The following PTPRD variants were observed in gnomAD, a reference collection of about 807,000 sequenced individuals.
PTPRD encodes protein tyrosine phosphatase receptor type D, also known as receptor-type tyrosine-protein phosphatase delta.
PTPRD carries 34 observed loss-of-function variants against 214.5 expected under a neutral mutation model. The ratio of observed to expected loss-of-function variants is 0.16; its 90% confidence interval spans 0.12 to 0.21. The LOEUF (loss-of-function observed/expected upper bound fraction) is 0.21. Ranked by LOEUF, PTPRD falls within the 10% of genes least tolerant of loss-of-function variation. The pLI, the probability that PTPRD is intolerant of heterozygous loss-of-function variation, is 1.00. For missense variants in PTPRD, 2,545 were observed against 2,398.7 expected, an observed-to-expected ratio of 1.06 and a Z score of -1.27; for synonymous variants, 1,128 against 845.7, an observed-to-expected ratio of 1.33 and a Z score of -5.79.
intron 2 of PTPRD, among the ~76,000 whole-genome samples, chr9:10,521,076 C>T (rs572917875): frequency 3.3e-5 from 5 of 151,944 alleles, no homozygotes; most frequent in African/African-American, 1.2e-4. Flanking sequence ...GATAGTGATT[C>T]TTCTGATAGA....
Position 8,914,927 on chromosome 9 carries a change from G to T in PTPRD, c.-104+103770C>A, listed in dbSNP as rs114456296. ...CCTGGCAGACTACTTCTACCATCCT[G>T]TCCTTAGTATACCAGATATGTGATG... On this transcript the variant is annotated intron_variant, in intron 11 of 45. Transcript: ENST00000381196. Among the ~76,000 whole-genome samples, 224 of 152,134 alleles carry T rather than the reference G, an allele frequency of 1.5e-3. 1 individual carries two copies. The highest frequency in any genetic ancestry group is 5.1e-3 in the African/African-American group (211 of 41,496).
chr9:9,459,911 A>G (rs2093471578), intron 8 of PTPRD, among the ~76,000 whole-genome samples: 1 of 152,140 alleles, frequency 6.6e-6, no homozygotes, highest in Admixed American at 6.5e-5. Context: ...AAAACAACAA[A>G]GACAGAGGCA....
At chr9:8,573,334 T>A (rs2091633434) in intron 14 of PTPRD, among the ~76,000 whole-genome samples, 1 of 152,056 alleles carries the variant, frequency 6.6e-6, no homozygotes, top group Admixed American at 6.6e-5. Flanking sequence ...AATATATTTA[T>A]TCCTGAAATG....
intron 3 of PTPRD, among the ~76,000 whole-genome samples, chr9:10,087,898 T>C (rs2098374649): frequency 6.6e-6 from 1 of 151,772 alleles, no homozygotes; most frequent in South Asian, 2.1e-4. Context: ...ACTTCTCATG[T>C]AAGCATAATC....
rs2308277 is a variant in PTPRD, at chr9:9,077,378, A to AAAATGTTTCACAGATC, written c.-142-58644_-142-58643insGATCTGTGAAACATTT. Among the ~76,000 whole-genome samples the AAAATGTTTCACAGATC allele has an allele frequency of 3.8e-4, 58 of 151,730 alleles. No individual in the cohort carries two copies. The East Asian group carries it at 8.6e-3, about 22-fold the overall frequency. On this transcript the variant is annotated intron_variant, in intron 10 of 45. Coordinates refer to ENST00000381196, the MANE Select transcript of PTPRD (RefSeq NM_002839.4). ...GAATGGGGATGAATTCAGGTGACTGAAAATGTTATTATCTTGAATAAGCTT... is the reference window on the plus strand; with the variant it reads ...GAATGGGGATGAATTCAGGTGACTGAAAATGTTTCACAGATCAAATGTTATTATCTTGAATAAGCTT...
chr9:9,182,681 G>A (rs2099928908), intron 10 of PTPRD, among the ~76,000 whole-genome samples: 1 of 151,944 alleles, frequency 6.6e-6, no homozygotes, highest in South Asian at 2.1e-4. Context: ...TAGATGAAAT[G>A]TTTATATTAG....
At position 10,285,838 on chromosome 9, in the gene PTPRD, T is replaced by A. The variant is rs2095332208; in HGVS notation, c.-545+55125A>T. Among the ~76,000 whole-genome samples, 2 of 151,988 alleles carry A rather than the reference T, an allele frequency of 1.3e-5. 1 individual carries two copies. Among genetic ancestry groups the A allele is most frequent in the South Asian group, 4.1e-4 (2 of 4,826 alleles). On this transcript the variant is annotated intron_variant, in intron 3 of 45. Coordinates refer to ENST00000381196, the MANE Select transcript of PTPRD (RefSeq NM_002839.4). ...GTTAGCCAGGATGGTTTCGATCTCC[T>A]GACCTCGCGATCCGCCCGCCTCGGC...
chr9:8,349,138 T>C (rs149494545), intron 39 of PTPRD, among the ~76,000 whole-genome samples: 71 of 152,296 alleles, frequency 4.7e-4, no homozygotes, highest in African/African-American at 1.5e-3. Context: ...GCCCCCAGCA[T>C]GGGAAAATTC....
intron 12 of PTPRD, among the ~76,000 whole-genome samples, chr9:8,716,308 T>A (rs191006966): frequency 3.3e-4 from 51 of 152,296 alleles, no homozygotes; most frequent in Admixed American, 2.5e-3. Context: ...AAATTCACAT[T>A]CACTAGAAGT....
At chr9:10,491,688 A>C (rs2040299777) in intron 2 of PTPRD, among the ~76,000 whole-genome samples, 1 of 151,976 alleles carries the variant, frequency 6.6e-6, no homozygotes, top group Non-Finnish European at 1.5e-5. Flanking sequence ...TTCTAAGACG[A>C]TATGCCACAA....
intron 5 of PTPRD, among the ~76,000 whole-genome samples, chr9:9,848,671 G>A (rs927775177): frequency 3.3e-5 from 5 of 151,968 alleles, no homozygotes; most frequent in Non-Finnish European, 5.9e-5. Context: ...AAGAGATTTA[G>A]AAGAAAATAT....
At chr9:8,876,281 A>G (rs1443877082) in intron 11 of PTPRD, among the ~76,000 whole-genome samples, 1 of 152,152 alleles carries the variant, frequency 6.6e-6, no homozygotes, top group Non-Finnish European at 1.5e-5. Flanking sequence ...AAATTTACTC[A>G]GACTGTTTTT....
At chr9:9,708,304 G>C (rs1305143064) in intron 7 of PTPRD, among the ~76,000 whole-genome samples, 1 of 151,950 alleles carries the variant, frequency 6.6e-6, no homozygotes, top group East Asian at 1.9e-4. Context: ...CTTCAGAATG[G>C]CAATTCTCTT....
At chr9:9,604,542 T>C (rs1482858918) in intron 7 of PTPRD, among the ~76,000 whole-genome samples, 1 of 152,124 alleles carries the variant, frequency 6.6e-6, no homozygotes, top group African/African-American at 2.4e-5. Flanking sequence ...TAAACTCTTT[T>C]TGGAAAACTT....
chr9:10,027,416 A>T (rs2096946501), intron 4 of PTPRD, among the ~76,000 whole-genome samples: 1 of 152,192 alleles, frequency 6.6e-6, no homozygotes, highest in African/African-American at 2.4e-5. Context: ...ATGGCCCACT[A>T]TCATGGAGAG....
At chr9:8,611,007 A>G (rs2095426996) in intron 14 of PTPRD, among the ~76,000 whole-genome samples, 1 of 152,238 alleles carries the variant, frequency 6.6e-6, no homozygotes, top group Non-Finnish European at 1.5e-5. Context: ...GAAATATTAT[A>G]TGGTCCTCCA....
chr9:9,516,476 C>T (rs1157212495), intron 8 of PTPRD, among the ~76,000 whole-genome samples: 1 of 151,198 alleles, frequency 6.6e-6, no homozygotes, highest in Non-Finnish European at 1.5e-5. Flanking sequence ...ATTTATAAAA[C>T]CATAAACTTG....
At chr9:9,007,733 T>TTA (rs2099485416) in intron 11 of PTPRD, among the ~76,000 whole-genome samples, 1 of 150,268 alleles carries the variant, frequency 6.7e-6, no homozygotes, top group South Asian at 2.1e-4. Flanking sequence ...TTGGATCCTT[T>TTA]TTTTTTTTTT....
intron 8 of PTPRD, among the ~76,000 whole-genome samples, chr9:9,457,916 C>G (rs547497776): frequency 6.6e-6 from 1 of 152,082 alleles, no homozygotes; most frequent in Non-Finnish European, 1.5e-5. Context: ...GGTGGTGTTT[C>G]CCGTCTAACA....
Sources: allele counts gnomAD v4.1 joint callset (sites outside exome capture counted in the v4.1 genomes callset), GRCh38; gene constraint gnomAD v4.1.1; transcripts MANE v1.5; gene names NCBI Gene and HGNC (gene_info 2026-07-23, HGNC 2026-07-21).